The following EFCC1 variants were observed in gnomAD, a reference collection of about 807,000 sequenced individuals.
The protein encoded by EFCC1 is EF-hand and coiled-coil domain-containing protein 1.
A neutral mutation model predicts 52.1 loss-of-function variants in EFCC1; 50 were observed. That is an observed-to-expected ratio of 0.96 (90% confidence interval 0.76 to 1.21). The LOEUF is 1.21. EFCC1 is among the 50% of genes most tolerant of loss of function. The pLI is 0.00. For missense variants in EFCC1, 837 were observed against 867.3 expected, an observed-to-expected ratio of 0.97 and a Z score of 0.44; for synonymous variants, 399 against 396.5, an observed-to-expected ratio of 1.01 and a Z score of -0.08.
intron 2 of EFCC1, 77 bp downstream of exon 2, chr3:129,004,154 C>T (rs1289910766): frequency 7.4e-7 from 1 of 1,360,276 alleles, no homozygotes; most frequent in African/African-American, 1.5e-5. Context: ...TGTGCAATCC[C>T]CCTCCCACGC....
At chr3:129,019,148 C>A (rs1338136832) in intron 2 of EFCC1, among the ~76,000 whole-genome samples, 1 of 152,258 alleles carries the variant, frequency 6.6e-6, no homozygotes, top group Non-Finnish European at 1.5e-5. Context: ...TTGATGTAAT[C>A]AGGTTCACCA....
At chr3:129,008,037 T>C (rs1231304974) in intron 2 of EFCC1, among the ~76,000 whole-genome samples, 1 of 152,256 alleles carries the variant, frequency 6.6e-6, no homozygotes, top group Non-Finnish European at 1.5e-5. Flanking sequence ...GCCATGATCC[T>C]TGAGAGTCAC....
intron 2 of EFCC1, among the ~76,000 whole-genome samples, chr3:129,029,969 G>A (rs1489024989): frequency 6.6e-6 from 1 of 151,696 alleles, no homozygotes; most frequent in East Asian, 1.9e-4. Context: ...CAGATTGCCT[G>A]AGCTCAGGAG....
rs777859410 is a variant in EFCC1, at chr3:129,010,751, G to A, written c.980+6674G>A. ...GAGCTGGGAGGCCTCGGATTCCATC[G>A]TCCTTGGAGGTGGGTGTGTGGGTGG... is the stretch of plus-strand genomic sequence containing the variant. On this transcript the variant is annotated intron_variant, in intron 2 of 7. Coordinates refer to ENST00000683648, the MANE Select transcript of EFCC1 (RefSeq NM_001377500.1). This position sits in a 1 kb window ranked among gnomAD's most constrained non-coding sequence, Gnocchi z 4.3. Among the ~76,000 whole-genome samples, 5 of 152,174 alleles carry A rather than the reference G, an allele frequency of 3.3e-5. No individual in the cohort carries two copies. Among genetic ancestry groups the A allele is most frequent in the Non-Finnish European group, 5.9e-5 (4 of 68,024 alleles).
At chr3:129,025,369 C>T (rs1015467482) in intron 2 of EFCC1, among the ~76,000 whole-genome samples, 2 of 152,106 alleles carry the variant, frequency 1.3e-5, no homozygotes, top group Non-Finnish European at 2.9e-5. Flanking sequence ...TCCCGGAAGC[C>T]ACGGGAAGAG....
At chr3:129,024,349 T>G (rs1946003879) in intron 2 of EFCC1, among the ~76,000 whole-genome samples, 1 of 151,938 alleles carries the variant, frequency 6.6e-6, no homozygotes, top group African/African-American at 2.4e-5. Flanking sequence ...CTGGCCAACA[T>G]GGTAAAACCC....
At position 129,029,735 on chromosome 3, in the gene EFCC1, C is replaced by T. The variant is rs145777984; in HGVS notation, c.981-968C>T. ...AAGTAGCTGGGATTACAGGTGTGTG[C>T]CACCACACCCAGCTAATTTTTATAT... On this transcript the variant is annotated intron_variant, in intron 2 of 7. Coordinates refer to ENST00000683648, the MANE Select transcript of EFCC1 (RefSeq NM_001377500.1). Among the ~76,000 whole-genome samples, 4,391 of 151,700 alleles carry T rather than the reference C, an allele frequency of 0.029. 448 individuals carry two copies. The East Asian group carries it at 0.37, about 13-fold the overall frequency.
At chr3:129,034,746 A>G (rs1228822941) in intron 5 of EFCC1, among the ~76,000 whole-genome samples, 1 of 152,178 alleles carries the variant, frequency 6.6e-6, no homozygotes, top group Non-Finnish European at 1.5e-5. Flanking sequence ...CCATCAGCCC[A>G]CCTGGGAAGC....
At position 129,038,943 on chromosome 3, in the gene EFCC1, G is replaced by A. The variant is rs923852834; in HGVS notation, c.1663+43G>A. The A allele has an allele frequency of 1.9e-6, 3 of 1,559,004 alleles. No homozygotes were observed. The African/African-American group carries it at 4.1e-5, about 21-fold the overall frequency. On this transcript the variant is annotated intron_variant, in intron 7 of 7. Transcript: ENST00000683648. Reference sequence around the variant, plus strand: ...TCTCTCAGAGCCCACGCAGTGGCTGGAGGGTGTCCTGAGGAGGAGACTCCA... The same window carrying A: ...TCTCTCAGAGCCCACGCAGTGGCTGAAGGGTGTCCTGAGGAGGAGACTCCA...
rs1237128954 is a variant in EFCC1 at position 129,034,340 on chromosome 3, C to G, written c.1452+11C>G. On this transcript the variant is annotated intron_variant, in intron 5 of 7. Transcript: ENST00000683648. ...ACCTCTGAGGAGGAGGTCAGCAGAG[C>G]CTAGAGATCAAAGGCTGGAGCAATT... 6 of 1,613,062 alleles carry G rather than the reference C, an allele frequency of 3.7e-6. No individual in the cohort carries two copies. Among genetic ancestry groups the G allele is most frequent in the Non-Finnish European group, 5.1e-6 (6 of 1,179,654 alleles).
chr3:129,007,189 C>T (rs538867465), intron 2 of EFCC1, among the ~76,000 whole-genome samples: 33 of 152,292 alleles, frequency 2.2e-4, no homozygotes, highest in African/African-American at 7.5e-4. Flanking sequence ...CCAGAAACAT[C>T]GGCCGGACAT....
chr3:129,035,279 T>C (rs192804969), intron 5 of EFCC1, among the ~76,000 whole-genome samples: 24 of 152,340 alleles, frequency 1.6e-4, no homozygotes, highest in Admixed American at 6.5e-4. Context: ...TCGGTGCTGA[T>C]GTGCTCTGTC....
chr3:129,015,105 C>T (rs922988994), intron 2 of EFCC1, among the ~76,000 whole-genome samples: 2 of 152,184 alleles, frequency 1.3e-5, no homozygotes, highest in African/African-American at 4.8e-5. Context: ...TCGGGCTCGC[C>T]CACTCACAAC....
At chr3:129,008,213 T>C (rs924737863) in intron 2 of EFCC1, among the ~76,000 whole-genome samples, 1 of 152,164 alleles carries the variant, frequency 6.6e-6, no homozygotes, top group African/African-American at 2.4e-5. Flanking sequence ...CCAAGACCAA[T>C]AGGTGGAATA....
At chr3:129,021,905 G>C (rs530077667) in intron 2 of EFCC1, among the ~76,000 whole-genome samples, 1 of 152,050 alleles carries the variant, frequency 6.6e-6, no homozygotes, top group East Asian at 1.9e-4. Flanking sequence ...AAGTACATCT[G>C]AAAATAGGGC....
At chr3:129,025,561 G>T (rs1379022059) in intron 2 of EFCC1, among the ~76,000 whole-genome samples, 3 of 152,204 alleles carry the variant, frequency 2.0e-5, no homozygotes, top group Admixed American at 6.5e-5. Flanking sequence ...GTCAAGTAGG[G>T]CAGAGTAAGG....
Position 129,001,606 on chromosome 3 carries a change from G to A in EFCC1, c.-23G>A, listed in dbSNP as rs1944752110. 1 of 1,355,928 alleles carries A rather than the reference G, an allele frequency of 7.4e-7. No homozygotes were observed. Among genetic ancestry groups the A allele is most frequent in the Non-Finnish European group, 9.4e-7 (1 of 1,060,946 alleles). 84.0% of individuals were successfully genotyped at this position (1,355,928 alleles called of 1,614,324 possible). ...CGAAGGGACCGGAGGAGGGACCGGA[G>A]GAGCGAGGCGCGCGGCGCAGCGATG... On this transcript the variant is annotated 5_prime_UTR_variant, in exon 1 of 8. Transcript: ENST00000683648.
intron 2 of EFCC1, among the ~76,000 whole-genome samples, chr3:129,008,888 G>A (rs1461443540): frequency 6.6e-6 from 1 of 151,888 alleles, no homozygotes. Flanking sequence ...CCCACAGCTG[G>A]TCTCCACTCA....
At chr3:129,025,575 G>A (rs186610630) in intron 2 of EFCC1, among the ~76,000 whole-genome samples, 113 of 152,306 alleles carry the variant, frequency 7.4e-4, no homozygotes, top group Admixed American at 2.4e-3. Flanking sequence ...AGTAAGGGTG[G>A]TAGCTGGGAA....
Sources: allele counts gnomAD v4.1 joint callset (sites outside exome capture counted in the v4.1 genomes callset), GRCh38; gene constraint gnomAD v4.1.1; non-coding constraint Gnocchi (gnomAD v3.1); transcripts MANE v1.5; gene names NCBI Gene and HGNC (gene_info 2026-07-23, HGNC 2026-07-21).